Variants in ABCC2 observed in about 807,000 individuals in gnomAD.
ABCC2 encodes the protein ATP-binding cassette sub-family C member 2.
Under a neutral mutation model 173.4 loss-of-function variants are expected in ABCC2, and 157 were observed. The ratio of observed to expected loss-of-function variants is 0.91; its 90% CI spans 0.80 to 1.03. ABCC2 has a LOEUF of 1.03. Ranked by LOEUF, ABCC2 falls within the 50% of genes least tolerant of loss-of-function variation. ABCC2 has a pLI of 0.00. For synonymous variants in ABCC2, 657 were observed against 693.5 expected, an observed-to-expected ratio of 0.95 and a Z score of 0.83; for missense variants, 1,822 against 1,852.3, an observed-to-expected ratio of 0.98 and a Z score of 0.30.
At chr10:99,815,314 A>G (rs575069057) in intron 16 of ABCC2, among the ~76,000 whole-genome samples, 1 of 152,224 alleles carries the variant, frequency 6.6e-6, no homozygotes, top group East Asian at 1.9e-4. Context: ...CATGGTATAT[A>G]TGTACCACAT....
rs570019516 is a variant in ABCC2, at chr10:99,842,193, C to T, written c.3741+100C>T. The T allele has an allele frequency of 1.5e-5, 23 of 1,528,548 alleles. No individual in the cohort carries two copies. The Admixed American group carries it at 1.7e-4, about 11-fold the overall frequency. 94.7% of individuals were successfully genotyped at this position (1,528,548 alleles called of 1,614,324 possible). A position where few individuals can be genotyped will look rare whatever the true frequency, so the allele number is the denominator to read the frequency against. ...TCTGTGCTCTTGATTCCTTCTTAAACCCAGAGGGACTAAAGAAGACTGAGG... is the reference window on the plus strand; with the variant it reads ...TCTGTGCTCTTGATTCCTTCTTAAATCCAGAGGGACTAAAGAAGACTGAGG... On this transcript the variant is annotated intron_variant, in intron 26 of 31. Coordinates refer to ENST00000647814, the MANE Select transcript of ABCC2 (RefSeq NM_000392.5).
intron 9 of ABCC2, among the ~76,000 whole-genome samples, chr10:99,801,657 A>T (rs1300853369): frequency 6.6e-6 from 1 of 152,238 alleles, no homozygotes; most frequent in African/African-American, 2.4e-5. Context: ...ATGATCAGTG[A>T]CTACAGGCTT....
chr10:99,809,401 T>G (rs1389212300), intron 13 of ABCC2, among the ~76,000 whole-genome samples: 1 of 152,106 alleles, frequency 6.6e-6, no homozygotes, highest in African/African-American at 2.4e-5. Context: ...GGCGATGCAA[T>G]GTGAGCAGTG....
rs1450196988 is a variant in ABCC2, at chr10:99,845,801, T to A, written c.4146+19T>A. The A allele has an allele frequency of 6.2e-7, 1 of 1,603,750 alleles. No individual in the cohort carries two copies. The highest frequency in any genetic ancestry group is 1.7e-5 in the Admixed American group (1 of 58,350). ...CCCCCAGGTGAGCTCTAGAACTTACTCGGGCACATGCCGTGGGGAGCAGCT... is the reference window on the plus strand; with the variant it reads ...CCCCCAGGTGAGCTCTAGAACTTACACGGGCACATGCCGTGGGGAGCAGCT... On this transcript the variant is annotated intron_variant, in intron 29 of 31. Coordinates refer to ENST00000647814, the MANE Select transcript of ABCC2 (RefSeq NM_000392.5).
chr10:99,811,635 T>A (rs1252063379), intron 15 of ABCC2, 33 bp downstream of exon 15: 17 of 1,611,526 alleles, frequency 1.1e-5, no homozygotes, highest in Non-Finnish European at 1.4e-5. Flanking sequence ...TAATGTTCTT[T>A]AGCATTCTCA....
chr10:99,810,116 CT>C lies in ABCC2; in HGVS notation c.1816-15del. On this transcript the variant is annotated splice_polypyrimidine_tract_variant and intron_variant, in intron 13 of 31. Coordinates refer to ENST00000647814, the MANE Select transcript of ABCC2 (RefSeq NM_000392.5). ...GTTACTGACTTTAATTCTTGAGATC[CT>C]TTGTGTCCTTCTCTAGGCCAGTGTT... 2.5e-6 allele frequency: 4 copies of C among 1,609,814 alleles called. No homozygotes were observed. Among genetic ancestry groups the C allele is most frequent in the Non-Finnish European group, 3.4e-6 (4 of 1,176,204 alleles).
Position 99,851,599 on chromosome 10 carries a change from G to A in ABCC2, c.4606G>A (p.Gly1536Ser). Residue 1536 changes from glycine (G) to serine (S), a missense_variant, in exon 32 of 32, where the codon GGC (glycine) becomes AGC (serine). Physicochemically the swap from Gly to Ser is moderately conservative, Grantham distance 56 (BLOSUM62 0). Transcript: ENST00000647814. ...GPFYFMAKEA[G>S]IENVNSTKF The stretch of plus-strand genomic sequence containing the variant: ...CTTTTACTTTATGGCTAAGGAAGCT[G>A]GCATTGAGAATGTGAACAGCACAAA... 4 of 1,614,136 alleles carry A rather than the reference G, an allele frequency of 2.5e-6. No homozygotes were observed. The highest frequency in any genetic ancestry group is 3.4e-6 in the Non-Finnish European group (4 of 1,180,028).
At chr10:99,824,231 A>G (rs981235004) in intron 19 of ABCC2, among the ~76,000 whole-genome samples, 4 of 152,014 alleles carry the variant, frequency 2.6e-5, no homozygotes, top group African/African-American at 9.7e-5. Flanking sequence ...TCCAATTAAT[A>G]TCTCCCAGCA....
At chr10:99,790,488 A>G (rs2037793526) in intron 2 of ABCC2, among the ~76,000 whole-genome samples, 1 of 152,164 alleles carries the variant, frequency 6.6e-6, no homozygotes, top group Admixed American at 6.5e-5. Context: ...AATCCATTAT[A>G]TGAGTTTAAT....
Position 99,831,992 on chromosome 10 carries a change from T to C in ABCC2, c.3119T>C (p.Ile1040Thr), listed in dbSNP as rs754501570. 17 of 1,614,118 alleles carry C rather than the reference T, an allele frequency of 1.1e-5. No homozygotes were observed. The highest frequency in any genetic ancestry group is 1.7e-5 in the Admixed American group (1 of 60,008). ...CCATCTCTAGGTATATTTGTGTTCATAGCACATTTCTGGAGTGCCTTTGGT... is the reference window on the plus strand; with the variant it reads ...CCATCTCTAGGTATATTTGTGTTCACAGCACATTTCTGGAGTGCCTTTGGT... ...LGLAQGIFVF[I>T]AHFWSAFGFV... is the part of the protein sequence containing the mutation. Residue 1040 changes from isoleucine (I) to threonine (T), a missense_variant, in exon 23 of 32, where the codon ATA (isoleucine) becomes ACA (threonine). Ile to Thr is a moderately conservative substitution (Grantham distance 89). Coordinates refer to ENST00000647814, the MANE Select transcript of ABCC2 (RefSeq NM_000392.5).
chr10:99,799,499 C>T (rs1271391825), intron 8 of ABCC2, 129 bp downstream of exon 8: 1 of 1,110,746 alleles, frequency 9.0e-7, no homozygotes, highest in African/African-American at 1.5e-5. Context: ...TTTCTTCCAC[C>T]TTAACCTTAC....
intron 14 of ABCC2, 72 bp downstream of exon 14, chr10:99,810,290 CT>C: frequency 8.3e-7 from 1 of 1,200,764 alleles, no homozygotes; most frequent in Non-Finnish European, 1.2e-6. Context: ...AATACAAGAG[CT>C]TAGTAGCAGC....
intron 30 of ABCC2, among the ~76,000 whole-genome samples, chr10:99,850,063 A>G (rs1007726859): frequency 6.6e-6 from 1 of 152,274 alleles, no homozygotes; most frequent in African/African-American, 2.4e-5. Context: ...TGAACAAATA[A>G]TTAGCCTTGA....
At chr10:99,812,562 G>A (rs564656774) in intron 15 of ABCC2, among the ~76,000 whole-genome samples, 15 of 152,268 alleles carry the variant, frequency 9.9e-5, no homozygotes, top group Non-Finnish European at 1.5e-4. Context: ...CCTAATTTGG[G>A]AAATGTTAAT....
rs1320443347 is a variant in ABCC2 at position 99,851,818 on chromosome 10, TC to T, written c.*188del. ...TGTCACCAGGTACTTGAGAAACCCCTCGATTGTCTACCTCGATCGTACTTCC... is the reference window on the plus strand; with the variant it reads ...TGTCACCAGGTACTTGAGAAACCCCTGATTGTCTACCTCGATCGTACTTCC... On this transcript the variant is annotated 3_prime_UTR_variant, in exon 32 of 32. Coordinates refer to ENST00000647814, the MANE Select transcript of ABCC2 (RefSeq NM_000392.5). 1.8e-6 allele frequency: 1 copy of T among 549,258 alleles called. No homozygotes were observed. Among genetic ancestry groups the T allele is most frequent in the African/African-American group, 1.9e-5 (1 of 52,608 alleles). 34.0% of individuals were successfully genotyped at this position (549,258 alleles called of 1,614,324 possible).
Position 99,793,969 on chromosome 10 carries a change from A to T in ABCC2, c.546A>T (p.Ser182=). 1 of 1,612,830 alleles carries T rather than the reference A, an allele frequency of 6.2e-7. No individual in the cohort carries two copies. Among genetic ancestry groups the T allele is most frequent in the Non-Finnish European group, 8.5e-7 (1 of 1,179,028 alleles). The change falls in exon 5 of 32, where the codon TCA becomes TCT. Residue 182 remains serine (S), a synonymous_variant. Transcript: ENST00000647814. ...YGFQILILIF[S]AFSENNESSN... is the part of the protein sequence containing the mutation. ...TCCAGATCCTGATCCTGATCTTTTC[A>T]GCATTTTCAGAAAATAATGAGTCAT...
chr10:99,823,528 C>A (rs1324669467), intron 19 of ABCC2, among the ~76,000 whole-genome samples: 1 of 149,322 alleles, frequency 6.7e-6, no homozygotes, highest in Non-Finnish European at 1.5e-5. Context: ...ATAGGTTGGT[C>A]AAAATCTTGT....
chr10:99,844,361 C>T lies in ABCC2; in HGVS notation c.3883C>T (p.Pro1295Ser). 1.2e-6 allele frequency: 2 copies of T among 1,614,180 alleles called. No homozygotes were observed. Among genetic ancestry groups the T allele is most frequent in the South Asian group, 2.2e-5 (2 of 91,082 alleles). ...VTDKRPPPDWPSKGKIQFNNY... is the reference protein window; with the variant it reads ...VTDKRPPPDWSSKGKIQFNNY... ...TGATAAGAGGCCTCCGCCAGATTGG[C>T]CCAGCAAAGGCAAGATCCAGTTTAA... The change falls in exon 28 of 32, where the codon CCC becomes TCC. Residue 1295 changes from proline (P) to serine (S), a missense_variant. Coordinates refer to ENST00000647814, the MANE Select transcript of ABCC2 (RefSeq NM_000392.5).
At chr10:99,814,769 GTGTGTGTATGTATATACACACACACATA>G (rs1287917814) in intron 16 of ABCC2, among the ~76,000 whole-genome samples, 1,754 of 129,892 alleles carry the variant, frequency 0.014, 45 homozygotes, top group Middle Eastern at 0.048. Context: ...ACACATATAT[GTGTGTGTATGTATATACACACACACATA>G]TGTGTGTGTG....
Sources: allele counts gnomAD v4.1 joint callset (sites outside exome capture counted in the v4.1 genomes callset), GRCh38; gene constraint gnomAD v4.1.1; transcripts MANE v1.5; gene names NCBI Gene and HGNC (gene_info 2026-07-23, HGNC 2026-07-21).